GCN1: variants seen among roughly 807,000 people sequenced by gnomAD.
GCN1 encodes the protein stalled ribosome sensor GCN1.
In GCN1, 90 loss-of-function variants were observed where a neutral mutation model predicts 288.4. The ratio of observed to expected loss-of-function variants is 0.31; its 90% CI spans 0.26 to 0.37. GCN1 has a LOEUF of 0.37. GCN1 is among the 10% of genes least tolerant of loss of function. The pLI is 1.00. For synonymous variants in GCN1, 1,386 were observed against 1,420.2 expected, an observed-to-expected ratio of 0.98 and a Z score of 0.54; for missense variants, 2,586 against 3,419.9, an observed-to-expected ratio of 0.76 and a Z score of 6.08.
intron 37 of GCN1, 25 bp from the exon 38 acceptor site, chr12:120,147,297 T>A (rs1425210113): frequency 2.1e-6 from 3 of 1,406,666 alleles, no homozygotes; most frequent in African/African-American, 2.8e-5. Flanking sequence ...AGAAGAGAGC[T>A]GGATGATATA....
At chr12:120,189,287 G>C (rs1381713263) in intron 2 of GCN1, among the ~76,000 whole-genome samples, 1 of 151,818 alleles carries the variant, frequency 6.6e-6, no homozygotes, top group Non-Finnish European at 1.5e-5. Flanking sequence ...TGGTCAGGCT[G>C]GTCTCGAACT....
At chr12:120,146,968 G>T (rs1442508629) in intron 38 of GCN1, 84 bp downstream of exon 38, 3 of 727,172 alleles carry the variant, frequency 4.1e-6, no homozygotes, top group Admixed American at 6.9e-5. Context: ...AACTTTCCAT[G>T]TCTAATGTGG....
chr12:120,161,722 C>G (rs1877933390), intron 21 of GCN1, 139 bp from the exon 22 acceptor site: 2 of 905,816 alleles, frequency 2.2e-6, no homozygotes, highest in Middle Eastern at 3.0e-4. Context: ...ACTTAAATAC[C>G]CAGGACCTAA....
At position 120,164,343 on chromosome 12, in the gene GCN1, G is replaced by A. The variant is rs1878031704; in HGVS notation, c.1841C>T (p.Ser614Phe). 1 of 1,613,336 alleles carries A rather than the reference G, an allele frequency of 6.2e-7. No homozygotes were observed. Among genetic ancestry groups the A allele is most frequent in the African/African-American group, 1.3e-5 (1 of 74,914 alleles). The change falls in exon 18 of 58, where the codon TCT becomes TTT. Residue 614 changes from serine to phenylalanine, a missense_variant. Ser to Phe is a radical substitution (Grantham distance 155, BLOSUM62 -2). This residue lies in a region of GCN1 where 913 missense variants were observed against 1,107.0 expected (regional missense o/e 0.82). Coordinates refer to ENST00000300648, the MANE Select transcript of GCN1 (RefSeq NM_006836.2). ...GAGCCCAGATGCCCTCACCTTGTGAGAACTGAGGACAGTCTTCAGCTCCTC... is the reference window on the plus strand; with the variant it reads ...GAGCCCAGATGCCCTCACCTTGTGAAAACTGAGGACAGTCTTCAGCTCCTC... ...LLEELKTVLS[S>F]HKVLPLEALV...
intron 16 of GCN1, among the ~76,000 whole-genome samples, chr12:120,165,030 C>T (rs868089077): frequency 5.5e-5 from 8 of 145,726 alleles, no homozygotes; most frequent in Admixed American, 2.0e-4. Flanking sequence ...CACACACACA[C>T]ACACACATAT....
At chr12:120,173,883 T>C (rs1472360527) in intron 13 of GCN1, 57 bp from the exon 14 acceptor site, 46 of 1,461,384 alleles carry the variant, frequency 3.1e-5, no homozygotes, top group Middle Eastern at 1.7e-4. Context: ...TGTCAAATCA[T>C]TGCAAGCAGT....
In GCN1 at chr12:120,134,467, G is replaced by A. The variant is rs200991661; in HGVS notation, c.7203-62C>T. 2.7e-3 allele frequency: 4,372 copies of A among 1,590,804 alleles called. 61 individuals carry two copies. The highest frequency in any genetic ancestry group is 0.023 in the South Asian group (2,082 of 90,596). ...CTCCACCACCACCCCTCCTGCCAGC[G>A]CAGGCTCGGCCCACAGCAACCCCTG... On this transcript the variant is annotated intron_variant, in intron 52 of 57. Transcript: ENST00000300648. This position sits in a 1 kb window ranked among gnomAD's most constrained non-coding sequence, Gnocchi z 5.0.
intron 16 of GCN1, among the ~76,000 whole-genome samples, chr12:120,166,863 A>G (rs574029084): frequency 1.3e-5 from 2 of 151,284 alleles, no homozygotes; most frequent in Admixed American, 1.3e-4. Context: ...AAAATACAAA[A>G]ATTAGCCAGA....
At chr12:120,179,327 T>G (rs1878578125) in intron 5 of GCN1, among the ~76,000 whole-genome samples, 4 of 150,914 alleles carry the variant, frequency 2.7e-5, no homozygotes, top group Non-Finnish European at 5.9e-5. Flanking sequence ...ACCTCCCGGG[T>G]TCAAGTGATT....
rs374178243 is a variant in GCN1, at chr12:120,131,323, G to A, written c.7425C>T (p.Ser2475=). 1.4e-5 allele frequency: 22 copies of A among 1,613,780 alleles called. No homozygotes were observed. The highest frequency in any genetic ancestry group is 1.7e-5 in the Non-Finnish European group (20 of 1,180,010). Residue 2475 remains serine, a synonymous_variant, in exon 55 of 58, where the codon TCC becomes TCT. Transcript: ENST00000300648. The stretch of plus-strand genomic sequence containing the variant: ...CGTGCCGAACCATCCAGTCAATGCC[G>A]GACACGTCCGCTGGGTGGAAGGACA... The part of the protein sequence containing the change: ...VLQQCLLADV[S]GIDWMVRHGR...
intron 1 of GCN1, among the ~76,000 whole-genome samples, chr12:120,190,857 T>G (rs1878981627): frequency 6.6e-6 from 1 of 151,910 alleles, no homozygotes; most frequent in Non-Finnish European, 1.5e-5. Flanking sequence ...CACTTTAACC[T>G]CCCCATAAAG....
chr12:120,189,743 C>T (rs1336804111), intron 2 of GCN1, among the ~76,000 whole-genome samples: 1 of 152,094 alleles, frequency 6.6e-6, no homozygotes, highest in South Asian at 2.1e-4. Flanking sequence ...TTTTGAGAGG[C>T]TGAGGCAGGC....
chr12:120,150,042 T>C lies in GCN1; in HGVS notation c.4311A>G (p.Gly1437=), dbSNP rs1161081603. ...AGAGCATCTCGAAGGCAAAGAGGGC[T>C]CCTAGGGGAAAAGAAGGTGGGACGG... ...QDKKNFRRRE[G]ALFAFEMLCT... The change falls in exon 35 of 58, where the codon GGA becomes GGG. Residue 1437 remains glycine (G), a splice_region_variant and synonymous_variant. Coordinates refer to ENST00000300648, the MANE Select transcript of GCN1 (RefSeq NM_006836.2). The C allele has an allele frequency of 6.2e-7, 1 of 1,613,346 alleles. No homozygotes were observed. The highest frequency in any genetic ancestry group is 8.5e-7 in the Non-Finnish European group (1 of 1,179,862).
In GCN1 at chr12:120,157,966, C is replaced by A. The variant is rs750201105; in HGVS notation, c.2970G>T (p.Thr990=). The stretch of plus-strand genomic sequence containing the variant: ...CCTCCTCACTGTGGTGGGGCATCTC[C>A]GTCAGCACCATCTTCAGAAACGGGA... ...LVFPFLKMVL[T]EMPHHSEEEE... Residue 990 remains threonine, a synonymous_variant, in exon 26 of 58, where the codon ACG becomes ACT. Transcript: ENST00000300648. The A allele has an allele frequency of 6.2e-7, 1 of 1,613,896 alleles. No homozygotes were observed. The highest frequency in any genetic ancestry group is 1.3e-5 in the African/African-American group (1 of 74,946).
rs759240756 is a variant in GCN1, at chr12:120,164,506, A to G, written c.1689-11T>C. 1 of 1,612,444 alleles carries G rather than the reference A, an allele frequency of 6.2e-7. No individual in the cohort carries two copies. Among genetic ancestry groups the G allele is most frequent in the Non-Finnish European group, 8.5e-7 (1 of 1,178,746 alleles). ...GCCCGGTGGTACTGCCTGCAAGCAC[A>G]GGGACAGACAGGTCTGGGGGAAGGC... On this transcript the variant is annotated splice_polypyrimidine_tract_variant and intron_variant, in intron 17 of 57. Transcript: ENST00000300648.
intron 1 of GCN1, among the ~76,000 whole-genome samples, chr12:120,191,629 T>G (rs1566323518): frequency 6.6e-6 from 1 of 152,228 alleles, no homozygotes; most frequent in East Asian, 1.9e-4. Context: ...ATAATTCTAT[T>G]GGCAATGAAT....
chr12:120,170,779 C>G (rs1008309562), intron 14 of GCN1, among the ~76,000 whole-genome samples: 3 of 152,112 alleles, frequency 2.0e-5, no homozygotes, highest in Non-Finnish European at 2.9e-5. Flanking sequence ...CAATTCCCAT[C>G]TGGTACTCTT....
chr12:120,187,813 C>T (rs757325619), intron 2 of GCN1, among the ~76,000 whole-genome samples: 1 of 150,648 alleles, frequency 6.6e-6, no homozygotes, highest in Non-Finnish European at 1.5e-5. Context: ...CAAGATGATG[C>T]TGATGCTGCC....
chr12:120,193,676 G>A (rs1879080084), intron 1 of GCN1, among the ~76,000 whole-genome samples: 1 of 152,160 alleles, frequency 6.6e-6, no homozygotes, highest in Admixed American at 6.5e-5. Context: ...GGACATTGCA[G>A]CTCTAGAGAT....
Sources: gnomAD v4.1 joint callset for allele counts (sites outside exome capture counted in the v4.1 genomes callset) on GRCh38, gnomAD v4.1.1 for gene constraint, gnomAD v4.1.1 regional missense constraint, Gnocchi (gnomAD v3.1) non-coding constraint, MANE v1.5 for transcripts, NCBI Gene and HGNC (gene_info 2026-07-23, HGNC 2026-07-21) for gene names.